The following ADARB2 variants were observed in gnomAD, a reference collection of about 807,000 sequenced individuals.
The protein encoded by ADARB2 is adenosine deaminase RNA specific B2 (inactive).
Under a neutral mutation model 62.2 loss-of-function variants are expected in ADARB2, and 25 were observed. That is an observed-to-expected ratio of 0.40 (90% CI 0.29 to 0.56). ADARB2 has a LOEUF of 0.56. Among genes scored for constraint, ADARB2 ranks in the 20% least tolerant of loss-of-function variants. ADARB2 has a pLI of 0.43. For synonymous variants in ADARB2, 572 were observed against 500.8 expected (o/e 1.14, Z -1.90); for missense variants, 1,071 against 1,077.4 (o/e 0.99, Z 0.08).
intron 1 of ADARB2, among the ~76,000 whole-genome samples, chr10:1,388,586 G>A (rs1008661821): frequency 1.3e-5 from 2 of 151,822 alleles, no homozygotes; most frequent in African/African-American, 2.4e-5. Flanking sequence ...ATGAAAAAGT[G>A]GAAAATTAAA....
intron 1 of ADARB2, among the ~76,000 whole-genome samples, chr10:1,462,879 T>C (rs1831197079): frequency 6.6e-6 from 1 of 152,344 alleles, no homozygotes; most frequent in Non-Finnish European, 1.5e-5. Context: ...TGTATGTGCA[T>C]GAGTGTAGGC....
intron 1 of ADARB2, among the ~76,000 whole-genome samples, chr10:1,614,707 T>G (rs546255131): frequency 6.6e-6 from 1 of 152,238 alleles, no homozygotes; most frequent in African/African-American, 2.4e-5. Context: ...TTCAGGAGAT[T>G]GAGACCATCC....
Position 1,367,605 on chromosome 10 carries a change from T to TA in ADARB2, c.188-3689dup, listed in dbSNP as rs540894472. Among the ~76,000 whole-genome samples the TA allele has an allele frequency of 1.1e-4, 16 of 152,304 alleles. No individual in the cohort carries two copies. The East Asian group carries it at 2.1e-3, about 20-fold the overall frequency. The stretch of plus-strand genomic sequence containing the variant: ...CAGGCCAAGGGTAAGCAGATGAGAT[T>TA]AACCATGGGATTTTCCAAATTGAAC... On this transcript the variant is annotated intron_variant, in intron 2 of 9. Coordinates refer to ENST00000381312, the MANE Select transcript of ADARB2 (RefSeq NM_018702.4).
intron 6 of ADARB2, among the ~76,000 whole-genome samples, chr10:1,224,829 C>G (rs978222524): frequency 2.2e-4 from 34 of 152,160 alleles, no homozygotes; most frequent in Admixed American, 1.6e-3. Flanking sequence ...GAGAGCTTTA[C>G]TTCCAATTAT....
intron 3 of ADARB2, chr10:1,290,361 C>A (rs895009138): frequency 6.6e-6 from 1 of 152,250 alleles, no homozygotes; most frequent in African/African-American, 2.4e-5. Context: ...GAAGGGCCTC[C>A]CTCCTGGTCG....
At chr10:1,613,495 T>C (rs900321859) in intron 1 of ADARB2, among the ~76,000 whole-genome samples, 1 of 152,132 alleles carries the variant, frequency 6.6e-6, no homozygotes, top group African/African-American at 2.4e-5. Context: ...CAGGGTGGGG[T>C]AACTGTGCAG....
intron 1 of ADARB2, among the ~76,000 whole-genome samples, chr10:1,490,193 A>G (rs1831602250): frequency 6.6e-6 from 1 of 152,256 alleles, no homozygotes; most frequent in Non-Finnish European, 1.5e-5. Context: ...GGCTTCACCC[A>G]GGACTTGCCT....
At chr10:1,417,847 G>A (rs752509866) in intron 1 of ADARB2, among the ~76,000 whole-genome samples, 4 of 152,266 alleles carry the variant, frequency 2.6e-5, no homozygotes, top group Admixed American at 6.5e-5. Flanking sequence ...AGCCATGTGC[G>A]TTGAGGCCAC....
In ADARB2 at chr10:1,687,553, CT is replaced by C. The variant is rs1834612082; in HGVS notation, c.100+49497del. On this transcript the variant is annotated intron_variant, in intron 1 of 9. Coordinates refer to ENST00000381312, the MANE Select transcript of ADARB2 (RefSeq NM_018702.4). ...ACCACCAAGACAGCCTCATTATTCT[CT>C]TTGATTGATTTTATAAGAGATTAAA... Among the ~76,000 whole-genome samples the C allele has an allele frequency of 2.0e-5, 3 of 151,848 alleles. 1 individual carries two copies. In the South Asian group the frequency reaches 6.3e-4, roughly 32 times the overall value.
At chr10:1,506,421 C>A (rs1455301567) in intron 1 of ADARB2, among the ~76,000 whole-genome samples, 1 of 152,188 alleles carries the variant, frequency 6.6e-6, no homozygotes, top group Non-Finnish European at 1.5e-5. Context: ...TCCCCCACTA[C>A]GGTATTTGCA....
At chr10:1,349,879 C>T (rs1198982977) in intron 3 of ADARB2, among the ~76,000 whole-genome samples, 3 of 152,228 alleles carry the variant, frequency 2.0e-5, no homozygotes, top group East Asian at 1.9e-4. Flanking sequence ...CCCACGTTCC[C>T]TTGGTGGCAG....
intron 1 of ADARB2, among the ~76,000 whole-genome samples, chr10:1,481,771 G>C (rs190346688): frequency 1.8e-4 from 27 of 151,646 alleles, no homozygotes; most frequent in Admixed American, 5.3e-4. Context: ...GCAGGAGAAT[G>C]GCTTGAACCC....
chr10:1,375,338 C>T (rs904790142), intron 2 of ADARB2, among the ~76,000 whole-genome samples: 2 of 152,218 alleles, frequency 1.3e-5, no homozygotes, highest in Non-Finnish European at 2.9e-5. Context: ...GCAGACACGC[C>T]TTACAAACGT....
chr10:1,433,910 T>C (rs948493283), intron 1 of ADARB2, among the ~76,000 whole-genome samples: 1 of 152,244 alleles, frequency 6.6e-6, no homozygotes, highest in South Asian at 2.1e-4. Flanking sequence ...GTGGACCCTA[T>C]ATGGTGGCAT....
intron 1 of ADARB2, among the ~76,000 whole-genome samples, chr10:1,596,876 A>T (rs1833342674): frequency 6.6e-6 from 1 of 152,144 alleles, no homozygotes; most frequent in Non-Finnish European, 1.5e-5. Context: ...CGGAGGGTTT[A>T]GTCTTTTATT....
At chr10:1,451,293 G>A (rs1022821498) in intron 1 of ADARB2, among the ~76,000 whole-genome samples, 7 of 152,218 alleles carry the variant, frequency 4.6e-5, no homozygotes, top group African/African-American at 1.7e-4. Context: ...TATTCAACAG[G>A]GACACAGGAG....
intron 1 of ADARB2, among the ~76,000 whole-genome samples, chr10:1,469,049 A>G (rs988593746): frequency 1.3e-5 from 2 of 152,174 alleles, no homozygotes; most frequent in Admixed American, 6.5e-5. Context: ...CTCGCTACCC[A>G]GTCTGTTCAG....
intron 3 of ADARB2, among the ~76,000 whole-genome samples, chr10:1,349,342 G>A (rs552808019): frequency 1.3e-5 from 2 of 151,762 alleles, no homozygotes; most frequent in East Asian, 3.9e-4. Flanking sequence ...GACTCAGCCC[G>A]CCTGCAACCA....
chr10:1,577,341 G>A (rs1184902856), intron 1 of ADARB2, among the ~76,000 whole-genome samples: 6 of 150,172 alleles, frequency 4.0e-5, no homozygotes, highest in Middle Eastern at 3.5e-3. Context: ...AAGCTGCAGT[G>A]ATACCCTCAT....
Sources: allele counts gnomAD v4.1 joint callset (sites outside exome capture counted in the v4.1 genomes callset), GRCh38; gene constraint gnomAD v4.1.1; transcripts MANE v1.5; gene names NCBI Gene and HGNC (gene_info 2026-07-23, HGNC 2026-07-21).